CCDC7: variants seen among roughly 807,000 people sequenced by gnomAD.
The protein encoded by CCDC7 is coiled-coil domain containing 7, also known as coiled-coil domain-containing protein 7.
Under a neutral mutation model 196.9 loss-of-function variants are expected in CCDC7, and 183 were observed. The ratio of observed to expected loss-of-function variants is 0.93; its 90% CI spans 0.82 to 1.05. CCDC7 has a LOEUF of 1.05. Among genes scored for constraint, CCDC7 ranks in the 50% least tolerant of loss-of-function variants. The pLI, the probability that CCDC7 is intolerant of heterozygous loss-of-function variation, is 0.00. For synonymous variants in CCDC7, 525 were observed against 484.6 expected, an observed-to-expected ratio of 1.08 and a Z score of -1.10; for missense variants, 1,540 against 1,482.2, an observed-to-expected ratio of 1.04 and a Z score of -0.64.
intron 33 of CCDC7, among the ~76,000 whole-genome samples, chr10:32,844,186 T>C (rs2093145454): frequency 6.6e-6 from 1 of 151,982 alleles, no homozygotes; most frequent in African/African-American, 2.4e-5. Flanking sequence ...TTCATGTATT[T>C]TTCCTGTTAT....
chr10:32,700,663 G>A (rs993262332), intron 24 of CCDC7, among the ~76,000 whole-genome samples: 4 of 152,114 alleles, frequency 2.6e-5, no homozygotes, highest in Non-Finnish European at 4.4e-5. Context: ...CCATTTTCAC[G>A]ATATTGATTC....
intron 24 of CCDC7, among the ~76,000 whole-genome samples, chr10:32,705,911 G>A (rs1418187018): frequency 2.6e-5 from 4 of 152,040 alleles, no homozygotes; most frequent in African/African-American, 7.2e-5. Flanking sequence ...ACAGATCAAC[G>A]AGACAGAAAG....
chr10:32,772,271 G>C (rs2079286656), intron 28 of CCDC7, among the ~76,000 whole-genome samples: 1 of 152,172 alleles, frequency 6.6e-6, no homozygotes. Context: ...AGCAGGCAGT[G>C]GTAAGCCCCA....
chr10:32,823,826 C>T (rs995966342), intron 31 of CCDC7, among the ~76,000 whole-genome samples: 1 of 152,070 alleles, frequency 6.6e-6, no homozygotes, highest in South Asian at 2.1e-4. Context: ...GAATACAATC[C>T]TAAGGCTAGT....
chr10:32,845,204 A>G, intron 33 of CCDC7, 39 bp from the exon 35 acceptor site: 1 of 1,293,448 alleles, frequency 7.7e-7, no homozygotes. Flanking sequence ...GGTAATGTTT[A>G]CCTTTCAAAA....
chr10:32,499,756 C>T (rs547764075), intron 9 of CCDC7, among the ~76,000 whole-genome samples: 3 of 152,180 alleles, frequency 2.0e-5, no homozygotes, highest in South Asian at 2.1e-4. Context: ...TGCCGCCTTC[C>T]GCAGTGTTTG....
chr10:32,541,111 A>C (rs1290237215), intron 11 of CCDC7, among the ~76,000 whole-genome samples: 1 of 151,086 alleles, frequency 6.6e-6, no homozygotes, highest in Non-Finnish European at 1.5e-5. Context: ...AGAGAGCCAC[A>C]GGGGTGGATA....
At chr10:32,698,019 T>C (rs1234907632) in intron 24 of CCDC7, among the ~76,000 whole-genome samples, 1 of 152,192 alleles carries the variant, frequency 6.6e-6, no homozygotes, top group East Asian at 1.9e-4. Flanking sequence ...TGCAATATTA[T>C]ATTTGCTGTT....
intron 20 of CCDC7, among the ~76,000 whole-genome samples, chr10:32,639,864 G>T (rs1269486294): frequency 6.6e-6 from 1 of 152,080 alleles, no homozygotes; most frequent in Non-Finnish European, 1.5e-5. Flanking sequence ...TGATCCGCCT[G>T]CCTCGGCCTC....
chr10:32,728,459 T>C (rs907712149), intron 26 of CCDC7, among the ~76,000 whole-genome samples: 2 of 152,164 alleles, frequency 1.3e-5, no homozygotes. Context: ...TACCATTGTT[T>C]GTGGTATATA....
intron 25 of CCDC7, among the ~76,000 whole-genome samples, chr10:32,722,383 C>A (rs2082542248): frequency 6.6e-6 from 1 of 152,106 alleles, no homozygotes; most frequent in Non-Finnish European, 1.5e-5. Flanking sequence ...AGTGGTAGGG[C>A]TACCATTACA....
At chr10:32,777,835 G>A (rs921373586) in intron 28 of CCDC7, among the ~76,000 whole-genome samples, 1 of 152,212 alleles carries the variant, frequency 6.6e-6, no homozygotes, top group African/African-American at 2.4e-5. Flanking sequence ...CTGCACTCCA[G>A]CCTGGGTGAC....
chr10:32,509,619 C>T (rs1429114121), intron 9 of CCDC7, among the ~76,000 whole-genome samples: 1 of 151,230 alleles, frequency 6.6e-6, no homozygotes, highest in Admixed American at 6.6e-5. Flanking sequence ...AAATGGAAAA[C>T]TATGGAATGG....
chr10:32,528,740 G>A (rs1277743970), intron 11 of CCDC7, among the ~76,000 whole-genome samples: 2 of 139,622 alleles, frequency 1.4e-5, no homozygotes, highest in African/African-American at 2.7e-5. Flanking sequence ...ACGTATATAT[G>A]TATATATACA....
chr10:32,488,526 A>G (rs1360668873), intron 8 of CCDC7, among the ~76,000 whole-genome samples: 3 of 152,114 alleles, frequency 2.0e-5, no homozygotes, highest in Non-Finnish European at 4.4e-5. Flanking sequence ...CAGTGAGATG[A>G]ACCCGGTACC....
intron 21 of CCDC7, chr10:32,675,865 A>T (rs2074870397): frequency 1.3e-5 from 2 of 152,066 alleles, no homozygotes; most frequent in Non-Finnish European, 2.9e-5. Context: ...GACTTTCTTC[A>T]CAGAATTGGA....
intron 28 of CCDC7, among the ~76,000 whole-genome samples, chr10:32,747,299 A>G (rs1395721588): frequency 3.9e-5 from 6 of 152,232 alleles, no homozygotes; most frequent in African/African-American, 1.2e-4. Context: ...TTCTGGACAC[A>G]TGCCCTGGCA....
intron 18 of CCDC7, among the ~76,000 whole-genome samples, chr10:32,627,704 G>GT (rs137855264): frequency 3.3e-5 from 5 of 150,936 alleles, no homozygotes; most frequent in African/African-American, 9.7e-5. Flanking sequence ...TTTGGTGAGA[G>GT]TTTTTTTTTA....
intron 21 of CCDC7, among the ~76,000 whole-genome samples, chr10:32,669,467 C>G (rs143221276): frequency 6.6e-6 from 1 of 152,026 alleles, no homozygotes; most frequent in South Asian, 2.1e-4. Flanking sequence ...AGCATTAATT[C>G]TTCTTAAAAC....
Sources: gnomAD v4.1 joint callset for allele counts (sites outside exome capture counted in the v4.1 genomes callset) on GRCh38, gnomAD v4.1.1 for gene constraint, MANE v1.5 for transcripts, NCBI Gene and HGNC (gene_info 2026-07-23, HGNC 2026-07-21) for gene names.